The following SLC35F4 variants were observed in gnomAD, a reference collection of about 807,000 sequenced individuals.
SLC35F4 encodes solute carrier family 35 member F4, also known as chromosome 14 open reading frame 36.
A neutral mutation model predicts 44.2 loss-of-function variants in SLC35F4; 24 were observed. That is an observed-to-expected ratio of 0.54 (90% CI 0.39 to 0.76). SLC35F4 has a LOEUF of 0.76. Among genes scored for constraint, SLC35F4 ranks in the 30% least tolerant of loss-of-function variants. The pLI, the probability that SLC35F4 is intolerant of heterozygous loss-of-function variation, is 0.00. For synonymous variants in SLC35F4, 238 were observed against 223.6 expected (o/e 1.06, Z -0.57); for missense variants, 562 against 586.1 (o/e 0.96, Z 0.42).
chr14:57,687,961 T>A (rs557441697), intron 1 of SLC35F4, among the ~76,000 whole-genome samples: 6 of 152,208 alleles, frequency 3.9e-5, no homozygotes, highest in African/African-American at 1.4e-4. Context: ...CACTGCAAGA[T>A]TGTAGAATCA....
intron 3 of SLC35F4, among the ~76,000 whole-genome samples, chr14:57,584,819 TATA>T: frequency 6.6e-6 from 1 of 152,180 alleles, no homozygotes; most frequent in African/African-American, 2.4e-5. Context: ...TACTTCTTTT[TATA>T]TAAAACTTTT....
chr14:57,967,572 C>T (rs760299529), intron 1 of SLC35F4, among the ~76,000 whole-genome samples: 5 of 152,120 alleles, frequency 3.3e-5, no homozygotes, highest in Admixed American at 2.0e-4. Context: ...TTTGTTTTAA[C>T]GTCTGGCACA....
At chr14:57,586,080 C>T (rs2069696315) in intron 3 of SLC35F4, among the ~76,000 whole-genome samples, 1 of 152,174 alleles carries the variant, frequency 6.6e-6, no homozygotes, top group African/African-American at 2.4e-5. Context: ...TCAAACTATA[C>T]TACAAGGCTA....
At chr14:57,572,398 C>T (rs376472155) in intron 4 of SLC35F4, among the ~76,000 whole-genome samples, 3 of 152,050 alleles carry the variant, frequency 2.0e-5, no homozygotes, top group South Asian at 2.1e-4. Flanking sequence ...TTCATCTATT[C>T]TTTTTCCTCC....
chr14:57,915,737 A>C (rs1177343666), intron 1 of SLC35F4, among the ~76,000 whole-genome samples: 1 of 152,188 alleles, frequency 6.6e-6, no homozygotes, highest in African/African-American at 2.4e-5. Flanking sequence ...CCTCATCAGA[A>C]TGGGCTTTAG....
At chr14:57,677,202 AAGCTATG>A (rs1221819636) in intron 1 of SLC35F4, among the ~76,000 whole-genome samples, 1 of 152,020 alleles carries the variant, frequency 6.6e-6, no homozygotes, top group Non-Finnish European at 1.5e-5. Context: ...AGTAGGAGCT[AAGCTATG>A]AGGATGCAAA....
At chr14:57,720,272 T>C (rs1355186773) in intron 1 of SLC35F4, among the ~76,000 whole-genome samples, 1 of 152,188 alleles carries the variant, frequency 6.6e-6, no homozygotes, top group Non-Finnish European at 1.5e-5. Context: ...CTATTCATAA[T>C]ATAGGTTGGC....
intron 1 of SLC35F4, among the ~76,000 whole-genome samples, chr14:57,808,683 G>T (rs1343439918): frequency 6.6e-6 from 1 of 152,144 alleles, no homozygotes; most frequent in Non-Finnish European, 1.5e-5. Flanking sequence ...GTGCAAAACT[G>T]CGGTGCCAGC....
At chr14:57,702,980 T>A (rs552278442) in intron 1 of SLC35F4, among the ~76,000 whole-genome samples, 1 of 152,144 alleles carries the variant, frequency 6.6e-6, no homozygotes, top group East Asian at 1.9e-4. Flanking sequence ...TACACACACA[T>A]ACACACATAT....
chr14:57,673,493 C>CA (rs1489369262), intron 1 of SLC35F4, among the ~76,000 whole-genome samples: 4 of 152,186 alleles, frequency 2.6e-5, no homozygotes, highest in Admixed American at 1.3e-4. Context: ...AGGTGATATG[C>CA]ATATGTAATA....
At chr14:57,911,783 C>T (rs1324832639) in intron 1 of SLC35F4, among the ~76,000 whole-genome samples, 1 of 151,924 alleles carries the variant, frequency 6.6e-6, no homozygotes, top group Non-Finnish European at 1.5e-5. Flanking sequence ...TAGGGTAATA[C>T]TGGCTTCACA....
Position 57,831,020 on chromosome 14 carries a change from A to G in SLC35F4, c.103+34703T>C, listed in dbSNP as rs138642274. On this transcript the variant is annotated intron_variant, in intron 1 of 7. Transcript: ENST00000556826. ...CCCTGCTCTTGAATGCTGGTGGGAC[A>G]TGGTATGCATGCTCTGTCAGAATTT... 1.2e-4 allele frequency among the ~76,000 whole-genome samples: 18 copies of G among 152,320 alleles called. No individual in the cohort carries two copies. In the East Asian group the frequency reaches 3.3e-3, roughly 28 times the overall value.
At chr14:57,714,998 G>C (rs1415526545) in intron 1 of SLC35F4, among the ~76,000 whole-genome samples, 1 of 152,164 alleles carries the variant, frequency 6.6e-6, no homozygotes, top group Admixed American at 6.5e-5. Context: ...TGGGAGAGGA[G>C]TCAAAGACTG....
At chr14:57,734,798 T>C (rs986491562) in intron 1 of SLC35F4, among the ~76,000 whole-genome samples, 10 of 152,206 alleles carry the variant, frequency 6.6e-5, no homozygotes, top group African/African-American at 2.2e-4. Context: ...CTCACTAGCT[T>C]AATACCCAGG....
chr14:57,815,506 G>T (rs573865507), intron 1 of SLC35F4, among the ~76,000 whole-genome samples: 1 of 152,062 alleles, frequency 6.6e-6, no homozygotes, highest in South Asian at 2.1e-4. Context: ...TTAACTTCAA[G>T]GGCTGAGACA....
At chr14:57,643,803 T>C (rs1038615701) in intron 1 of SLC35F4, among the ~76,000 whole-genome samples, 2 of 152,062 alleles carry the variant, frequency 1.3e-5, no homozygotes, top group African/African-American at 4.8e-5. Flanking sequence ...GTGTGTGATG[T>C]TCCCCTTCCT....
intron 1 of SLC35F4, among the ~76,000 whole-genome samples, chr14:57,928,803 A>C (rs962335893): frequency 3.3e-5 from 5 of 152,238 alleles, no homozygotes; most frequent in African/African-American, 1.2e-4. Context: ...ATAATGCTTC[A>C]TCAATTAAGA....
chr14:57,808,594 C>A (rs1881613462), intron 1 of SLC35F4, among the ~76,000 whole-genome samples: 1 of 151,752 alleles, frequency 6.6e-6, no homozygotes, highest in Non-Finnish European at 1.5e-5. Context: ...CCTGAAAATT[C>A]TTTCTCCAGC....
chr14:57,881,605 G>A (rs565705404), intron 1 of SLC35F4, among the ~76,000 whole-genome samples: 2 of 152,168 alleles, frequency 1.3e-5, no homozygotes, highest in South Asian at 4.2e-4. Flanking sequence ...AAGCCCAATA[G>A]AGTGACTGTT....
Sources: gnomAD v4.1 joint callset for allele counts (sites outside exome capture counted in the v4.1 genomes callset) on GRCh38, gnomAD v4.1.1 for gene constraint, MANE v1.5 for transcripts, NCBI Gene and HGNC (gene_info 2026-07-23, HGNC 2026-07-21) for gene names.